ARHGEF12: variants seen among roughly 807,000 people sequenced by gnomAD.
ARHGEF12 encodes the protein Rho guanine nucleotide exchange factor 12, also known as KMT2A/ARHGEF12 fusion protein.
A neutral mutation model predicts 211.2 loss-of-function variants in ARHGEF12; 66 were observed. The observed-to-expected ratio is 0.31, with a 90% CI of 0.26 to 0.38. The LOEUF is 0.38. Among genes scored for constraint, ARHGEF12 ranks in the 10% least tolerant of loss-of-function variants. The pLI is 1.00. For synonymous variants in ARHGEF12, 592 were observed against 638.4 expected, an observed-to-expected ratio of 0.93 and a Z score of 1.09; for missense variants, 1,429 against 1,869.5, an observed-to-expected ratio of 0.76 and a Z score of 4.34.
chr11:120,459,165 C>G lies in ARHGEF12; in HGVS notation c.2381-9C>G, dbSNP rs764822641. 1.0e-5 allele frequency: 16 copies of G among 1,597,312 alleles called. No individual in the cohort carries two copies. The highest frequency in any genetic ancestry group is 9.4e-6 in the Non-Finnish European group (11 of 1,172,432). The stretch of plus-strand genomic sequence containing the variant: ...GTAAGGCAACATTTCATATCTCTTT[C>G]CTGTTCAGAATTGTTCTACACTGAA... On this transcript the variant is annotated splice_polypyrimidine_tract_variant and intron_variant, in intron 25 of 40. Transcript: ENST00000397843.
At position 120,485,827 on chromosome 11, in the gene ARHGEF12, A is replaced by C. The variant is rs1591654488; in HGVS notation, c.*750A>C. On this transcript the variant is annotated 3_prime_UTR_variant, in exon 41 of 41. Transcript: ENST00000397843. ...ACCACAATTAATAGGAATCCTCAAC[A>C]TACTAAATAGCAGGCACTTGAAAAT... The C allele has an allele frequency of 4.3e-6, 1 of 233,420 alleles. No individual in the cohort carries two copies. The highest frequency in any genetic ancestry group is 8.5e-6 in the Non-Finnish European group (1 of 117,968). The allele number at this position is 233,420 out of a possible 1,614,324, so 14.5% of individuals were successfully genotyped here.
chr11:120,454,074 G>C (rs541545686), intron 22 of ARHGEF12, among the ~76,000 whole-genome samples: 3 of 152,290 alleles, frequency 2.0e-5, no homozygotes, highest in African/African-American at 7.2e-5. Context: ...ATCGCTTGGA[G>C]TTCTGACATT....
chr11:120,340,373 G>C (rs552189086), intron 1 of ARHGEF12, among the ~76,000 whole-genome samples: 15 of 152,270 alleles, frequency 9.9e-5, no homozygotes, highest in African/African-American at 3.6e-4. Flanking sequence ...TGAAATAAAT[G>C]GACTTTTGTT....
chr11:120,444,608 A>G (rs900110812), intron 15 of ARHGEF12, among the ~76,000 whole-genome samples: 1 of 152,222 alleles, frequency 6.6e-6, no homozygotes, highest in African/African-American at 2.4e-5. Flanking sequence ...AAAACTTCAG[A>G]TCTTATAGGA....
rs1182301994 is a variant in ARHGEF12 at position 120,480,136 on chromosome 11, T to G, written c.3943T>G (p.Phe1315Val). The G allele has an allele frequency of 1.9e-6, 3 of 1,614,100 alleles. No individual in the cohort carries two copies. The highest frequency in any genetic ancestry group is 2.5e-6 in the Non-Finnish European group (3 of 1,180,054). ...AYHSGEGHMPFRTGTGDIATC... is the reference protein window; with the variant it reads ...AYHSGEGHMPVRTGTGDIATC... ...TCATTCTGGTGAAGGACATATGCCC[T>G]TTAGAACTGGAACTGGTGACATTGC... Residue 1315 changes from phenylalanine to valine, a missense_variant, in exon 38 of 41, where the codon TTT (phenylalanine) becomes GTT (valine). By Grantham distance (50) the Phe-to-Val change is conservative (BLOSUM62 -1). Transcript: ENST00000397843.
intron 1 of ARHGEF12, among the ~76,000 whole-genome samples, chr11:120,373,733 A>G (rs1278538678): frequency 6.6e-6 from 1 of 151,826 alleles, no homozygotes; most frequent in African/African-American, 2.4e-5. Flanking sequence ...CTCTTCAGGG[A>G]GCAACTATTA....
chr11:120,440,001 A>G, intron 12 of ARHGEF12, 128 bp from the exon 13 acceptor site: 1 of 699,350 alleles, frequency 1.4e-6, no homozygotes, highest in Non-Finnish European at 2.4e-6. Flanking sequence ...AAAGTACTTC[A>G]AAGGAAATAA....
At chr11:120,360,833 A>G (rs1398999042) in intron 1 of ARHGEF12, among the ~76,000 whole-genome samples, 1 of 152,264 alleles carries the variant, frequency 6.6e-6, no homozygotes, top group Admixed American at 6.5e-5. Flanking sequence ...AAAAATTAAA[A>G]GTGGAATGTA....
In ARHGEF12 at chr11:120,367,353, CTTTTTTTTTTT is replaced by C. The variant is rs1025919456; in HGVS notation, c.32+30098_32+30108del. The stretch of plus-strand genomic sequence containing the variant: ...AAAAAATCTGTTAGGATACTTTTTC[CTTTTTTTTTTT>C]TTTTTTTTTTTTTTTTTTTGAGGTG... On this transcript the variant is annotated intron_variant, in intron 1 of 40. Transcript: ENST00000397843. 1.9e-3 allele frequency among the ~76,000 whole-genome samples: 114 copies of C among 59,354 alleles called. 1 individual carries two copies. Among genetic ancestry groups the C allele is most frequent in the Middle Eastern group, 0.015 (1 of 68 alleles). 38.9% of individuals were successfully genotyped at this position (59,354 alleles called of 152,430 possible). A position where few individuals can be genotyped will look rare whatever the true frequency, so the allele number is the denominator to read the frequency against.
At chr11:120,457,808 C>G (rs1445169401) in intron 24 of ARHGEF12, 52 bp downstream of exon 24, 1 of 1,561,920 alleles carries the variant, frequency 6.4e-7, no homozygotes, top group South Asian at 1.2e-5. Flanking sequence ...AGAAACGTAA[C>G]CTTTTTTCCT....
intron 13 of ARHGEF12, 73 bp downstream of exon 13, chr11:120,440,294 C>A: frequency 1.7e-6 from 2 of 1,204,888 alleles, no homozygotes; most frequent in Non-Finnish European, 2.4e-6. Context: ...AAAATGAGCA[C>A]GTTCTGGAGA....
At chr11:120,392,430 C>T (rs1304483004) in intron 1 of ARHGEF12, among the ~76,000 whole-genome samples, 1 of 152,048 alleles carries the variant, frequency 6.6e-6, no homozygotes, top group African/African-American at 2.4e-5. Context: ...ATGTAAGCTG[C>T]TTGAGAGCAA....
At chr11:120,427,950 C>G in intron 7 of ARHGEF12, 119 bp from the exon 8 acceptor site, 2 of 767,320 alleles carry the variant, frequency 2.6e-6, no homozygotes, top group Non-Finnish European at 1.9e-6. Context: ...GATGATGGGA[C>G]TGTCTTACAT....
In ARHGEF12 at chr11:120,486,548, G is replaced by A. The variant is rs1476246397; in HGVS notation, c.*1471G>A. 2 of 227,464 alleles carry A rather than the reference G, an allele frequency of 8.8e-6. No homozygotes were observed. Among genetic ancestry groups the A allele is most frequent in the Non-Finnish European group, 1.7e-5 (2 of 114,564 alleles). 14.1% of individuals were successfully genotyped at this position (227,464 alleles called of 1,614,324 possible). On this transcript the variant is annotated 3_prime_UTR_variant, in exon 41 of 41. Transcript: ENST00000397843. ...ATATTGACTTTCTTTGGTTTTCCTT[G>A]TGCATTAGGTATATATTTTTTGAAG...
chr11:120,384,596 C>A (rs1943973454), intron 1 of ARHGEF12, among the ~76,000 whole-genome samples: 1 of 152,130 alleles, frequency 6.6e-6, no homozygotes, highest in Non-Finnish European at 1.5e-5. Flanking sequence ...GTCTCTTGTT[C>A]CTCCCTCATT....
chr11:120,349,675 C>A (rs541044517), intron 1 of ARHGEF12, among the ~76,000 whole-genome samples: 1 of 152,064 alleles, frequency 6.6e-6, no homozygotes, highest in Non-Finnish European at 1.5e-5. Flanking sequence ...ATTGTCGTGA[C>A]GATTAAATGA....
chr11:120,456,736 A>T (rs969205637), intron 22 of ARHGEF12, among the ~76,000 whole-genome samples: 5 of 152,222 alleles, frequency 3.3e-5, no homozygotes, highest in African/African-American at 1.2e-4. Context: ...GCTCACACCT[A>T]TAATCCTAGC....
intron 1 of ARHGEF12, among the ~76,000 whole-genome samples, chr11:120,385,951 G>A (rs1022756055): frequency 6.6e-6 from 1 of 152,104 alleles, no homozygotes; most frequent in African/African-American, 2.4e-5. Flanking sequence ...TGGGATATAG[G>A]GGGTGGGGAT....
At position 120,473,059 on chromosome 11, in the gene ARHGEF12, G is replaced by T; in HGVS notation, c.2965G>T (p.Asp989Tyr). 1 of 1,613,638 alleles carries T rather than the reference G, an allele frequency of 6.2e-7. No individual in the cohort carries two copies. Among genetic ancestry groups the T allele is most frequent in the Non-Finnish European group, 8.5e-7 (1 of 1,179,732 alleles). Reference protein sequence around the residue: ...KEAENKQRLEDYQRRLDTSSL... With the variant: ...KEAENKQRLEYYQRRLDTSSL... ...CCTGCCTAATTTTCAGCGCCTAGAAGATTATCAGCGTCGCCTTGATACCTC... is the reference window on the plus strand; with the variant it reads ...CCTGCCTAATTTTCAGCGCCTAGAATATTATCAGCGTCGCCTTGATACCTC... The change falls in exon 31 of 41, where the codon GAT (aspartate) becomes TAT (tyrosine). Residue 989 changes from aspartate to tyrosine, a missense_variant. Physicochemically the swap from Asp to Tyr is radical, Grantham distance 160. Around this residue, in one of 7 missense-constraint regions of ARHGEF12, gnomAD observed 223 missense variants for 444.6 expected, o/e 0.50. Coordinates refer to ENST00000397843, the MANE Select transcript of ARHGEF12 (RefSeq NM_015313.3).
Sources: gnomAD v4.1 joint callset for allele counts (sites outside exome capture counted in the v4.1 genomes callset) on GRCh38, gnomAD v4.1.1 for gene constraint, gnomAD v4.1.1 regional missense constraint, MANE v1.5 for transcripts, NCBI Gene and HGNC (gene_info 2026-07-23, HGNC 2026-07-21) for gene names.